Variants in EVA1A observed in about 807,000 individuals in gnomAD.
EVA1A encodes protein eva-1 homolog A.
Under a neutral mutation model 9.8 loss-of-function variants are expected in EVA1A, and 7 were observed. That is an observed-to-expected ratio of 0.71 (90% CI 0.41 to 1.34). EVA1A has a LOEUF of 1.34. Ranked by LOEUF, EVA1A falls within the 40% of genes most tolerant of loss-of-function variation. The pLI is 0.01. For synonymous variants in EVA1A, 90 were observed against 85.6 expected (o/e 1.05, Z -0.28); for missense variants, 206 against 205.9 (o/e 1.00, Z 0.00).
At chr2:75,554,366 A>T (rs1467311381) in intron 1 of EVA1A, among the ~76,000 whole-genome samples, 1 of 152,100 alleles carries the variant, frequency 6.6e-6, no homozygotes, top group Non-Finnish European at 1.5e-5. Flanking sequence ...CAAGAGGAGG[A>T]AGAGAGTTTT....
intron 1 of EVA1A, among the ~76,000 whole-genome samples, chr2:75,567,288 T>G (rs1435409248): frequency 2.0e-5 from 3 of 152,220 alleles, no homozygotes; most frequent in Non-Finnish European, 2.9e-5. Flanking sequence ...AAACTATACA[T>G]TTTTAGAGAA....
At chr2:75,554,134 A>T (rs1452325432) in intron 1 of EVA1A, among the ~76,000 whole-genome samples, 1 of 152,212 alleles carries the variant, frequency 6.6e-6, no homozygotes, top group African/African-American at 2.4e-5. Flanking sequence ...TTGCAGAAAC[A>T]AGATCCCCTG....
At chr2:75,550,636 A>T (rs555550103) in intron 1 of EVA1A, among the ~76,000 whole-genome samples, 2 of 152,396 alleles carry the variant, frequency 1.3e-5, no homozygotes, top group African/African-American at 4.8e-5. Context: ...ATTGTGAAAG[A>T]CATTTTCTCT....
intron 1 of EVA1A, among the ~76,000 whole-genome samples, chr2:75,538,577 CTG>C (rs1246060871): frequency 6.6e-6 from 1 of 152,148 alleles, no homozygotes; most frequent in African/African-American, 2.4e-5. Flanking sequence ...TAGCCCAAAA[CTG>C]GAAATAATTC....
At chr2:75,518,894 T>A (rs1380433581) in intron 2 of EVA1A, 1 of 983,904 alleles carries the variant, frequency 1.0e-6, no homozygotes, top group Non-Finnish European at 1.2e-6. Context: ...CCAAAGCAGT[T>A]CTCATTCTAA....
intron 3 of EVA1A, among the ~76,000 whole-genome samples, chr2:75,504,530 C>T (rs1171546027): frequency 1.3e-5 from 2 of 152,212 alleles, no homozygotes; most frequent in African/African-American, 4.8e-5. Flanking sequence ...AAGCTTCCTT[C>T]CTTTTCCTTC....
chr2:75,567,040 C>T (rs940004318), intron 1 of EVA1A, among the ~76,000 whole-genome samples: 5 of 152,004 alleles, frequency 3.3e-5, no homozygotes, highest in Non-Finnish European at 5.9e-5. Context: ...AATGAGACAA[C>T]GGAACTATGA....
chr2:75,521,882 T>C lies in EVA1A; in HGVS notation c.-69+483A>G, dbSNP rs1166624335. ...TGTGTTGGTGAGGTAAAACAGGGAATTTTGAAGGTTACTTTATTTAAAGAA... is the reference window on the plus strand; with the variant it reads ...TGTGTTGGTGAGGTAAAACAGGGAACTTTGAAGGTTACTTTATTTAAAGAA... On this transcript the variant is annotated intron_variant, in intron 2 of 3. Coordinates refer to ENST00000393913, the MANE Select transcript of EVA1A (RefSeq NM_001135032.2). Among the ~76,000 whole-genome samples, 6 of 152,346 alleles carry C rather than the reference T, an allele frequency of 3.9e-5. No homozygotes were observed. In the South Asian group the frequency reaches 8.3e-4, roughly 21 times the overall value.
chr2:75,550,893 G>T (rs962255008), intron 1 of EVA1A, among the ~76,000 whole-genome samples: 1 of 152,190 alleles, frequency 6.6e-6, no homozygotes, highest in Non-Finnish European at 1.5e-5. Flanking sequence ...GGAGGCCAAG[G>T]AGGGCAGATC....
intron 1 of EVA1A, among the ~76,000 whole-genome samples, chr2:75,554,985 T>C (rs1278898740): frequency 6.6e-5 from 10 of 152,228 alleles, no homozygotes; most frequent in Non-Finnish European, 1.3e-4. Flanking sequence ...GGGACTTCCA[T>C]GCTAGAGCAT....
intron 1 of EVA1A, among the ~76,000 whole-genome samples, chr2:75,553,077 T>C (rs964303641): frequency 9.2e-5 from 14 of 152,220 alleles, no homozygotes; most frequent in Admixed American, 7.2e-4. Context: ...TCCCCAGCCA[T>C]GCCTATCTGC....
intron 1 of EVA1A, among the ~76,000 whole-genome samples, chr2:75,549,326 T>G (rs1676448480): frequency 6.6e-6 from 1 of 152,262 alleles, no homozygotes; most frequent in African/African-American, 2.4e-5. Flanking sequence ...ACCACATTTG[T>G]GCGGAGCCAC....
chr2:75,556,788 T>G (rs1212054588), intron 1 of EVA1A, among the ~76,000 whole-genome samples: 1 of 151,858 alleles, frequency 6.6e-6, no homozygotes, highest in East Asian at 1.9e-4. Context: ...TCATAAGGAG[T>G]GCACAAACTA....
chr2:75,507,632 T>C (rs1674662635), intron 3 of EVA1A, among the ~76,000 whole-genome samples: 1 of 152,166 alleles, frequency 6.6e-6, no homozygotes, highest in Non-Finnish European at 1.5e-5. Flanking sequence ...GGGCCCTCTA[T>C]GACACACCTC....
At position 75,506,815 on chromosome 2, in the gene EVA1A, G is replaced by C. The variant is rs1298166250; in HGVS notation, c.85+11241C>G. Among the ~76,000 whole-genome samples the C allele has an allele frequency of 5.9e-5, 9 of 152,154 alleles. 1 individual carries two copies. The highest frequency in any genetic ancestry group is 5.9e-4 in the Admixed American group (9 of 15,282). ...GTGGGGCCCTGCCTCACAACCCTTG[G>C]GCCAAATAAGAAGGAAAAGTAGAAC... is the stretch of plus-strand genomic sequence containing the variant. On this transcript the variant is annotated intron_variant, in intron 3 of 3. Coordinates refer to ENST00000393913, the MANE Select transcript of EVA1A (RefSeq NM_001135032.2).
chr2:75,506,465 C>T (rs1296272181), intron 3 of EVA1A, among the ~76,000 whole-genome samples: 2 of 152,170 alleles, frequency 1.3e-5, no homozygotes, highest in African/African-American at 4.8e-5. Context: ...AAATTGTGAG[C>T]CCCTCCTTAG....
At chr2:75,551,309 G>GCTCCCCTCATCTGTTAGA (rs564460372) in intron 1 of EVA1A, among the ~76,000 whole-genome samples, 7 of 151,960 alleles carry the variant, frequency 4.6e-5, no homozygotes, top group East Asian at 1.9e-4. Flanking sequence ...TTGTTCATTA[G>GCTCCCCTCATCTGTTAGA]CTCCCCTCAT....
chr2:75,569,330 A>G (rs1043985932), intron 1 of EVA1A: 6 of 152,500 alleles, frequency 3.9e-5, no homozygotes, highest in Admixed American at 1.3e-4. Context: ...CACGCCACTG[A>G]AACTGCCCTC....
chr2:75,548,151 G>C (rs1001768907), intron 1 of EVA1A, among the ~76,000 whole-genome samples: 2 of 152,044 alleles, frequency 1.3e-5, no homozygotes, highest in African/African-American at 4.8e-5. Flanking sequence ...ATTTATTTTT[G>C]AGACAGGGTC....
Sources: gnomAD v4.1 joint callset for allele counts (sites outside exome capture counted in the v4.1 genomes callset) on GRCh38, gnomAD v4.1.1 for gene constraint, MANE v1.5 for transcripts, NCBI Gene and HGNC (gene_info 2026-07-23, HGNC 2026-07-21) for gene names.